Variants in PPP1R42 observed in about 807,000 individuals in gnomAD.
PPP1R42 encodes the protein leucine rich repeat containing 67.
Under a neutral mutation model 31.0 loss-of-function variants are expected in PPP1R42, and 34 were observed. The observed-to-expected ratio is 1.10, with a 90% CI of 0.83 to 1.46. PPP1R42 has a LOEUF of 1.46. Ranked by LOEUF, PPP1R42 falls within the 40% of genes most tolerant of loss-of-function variation. The pLI, the probability that PPP1R42 is intolerant of heterozygous loss-of-function variation, is 0.00. For missense variants in PPP1R42, 268 were observed against 303.0 expected (o/e 0.88, Z 0.86); for synonymous variants, 103 against 109.8 (o/e 0.94, Z 0.39).
chr8:67,007,860 G>C (rs1815731824), intron 5 of PPP1R42, among the ~76,000 whole-genome samples: 2 of 149,306 alleles, frequency 1.3e-5, no homozygotes, highest in East Asian at 4.0e-4. Flanking sequence ...TGCAAGAGTA[G>C]TGATGCTGAC....
chr8:67,024,165 A>G (rs1816314053), intron 1 of PPP1R42, among the ~76,000 whole-genome samples: 1 of 152,128 alleles, frequency 6.6e-6, no homozygotes, highest in Non-Finnish European at 1.5e-5. Context: ...CAAAAAAAAG[A>G]TAGCCATACT....
intron 5 of PPP1R42, among the ~76,000 whole-genome samples, chr8:66,997,109 T>A (rs1174783335): frequency 6.6e-6 from 1 of 152,156 alleles, no homozygotes; most frequent in Non-Finnish European, 1.5e-5. Flanking sequence ...GCTGAGATTG[T>A]GCCACTTCAC....
chr8:67,010,785 A>T lies in PPP1R42; in HGVS notation c.482T>A (p.Ile161Asn), dbSNP rs779620494. ...ATTCTCTAGTAGTTCTAAGTCTGTA[A>T]TGTCATCAATATTATTATTGCTGAT... ...LNISNNNIDD[I>N]TDLELLENLN... Residue 161 changes from isoleucine (I) to asparagine (N), a missense_variant, in exon 5 of 8, where the codon ATT (isoleucine) becomes AAT (asparagine). Coordinates refer to ENST00000685739, the MANE Select transcript of PPP1R42 (RefSeq NM_001364910.1). 4.4e-6 allele frequency: 7 copies of T among 1,605,910 alleles called. No homozygotes were observed. Among genetic ancestry groups the T allele is most frequent in the Non-Finnish European group, 5.9e-6 (7 of 1,177,054 alleles).
At position 66,982,094 on chromosome 8, in the gene PPP1R42, TG is replaced by T; in HGVS notation, c.756del (p.Ser252ArgfsTer16). 6.7e-7 allele frequency: 1 copy of T among 1,498,286 alleles called. No homozygotes were observed. Among genetic ancestry groups the T allele is most frequent in the Non-Finnish European group, 8.8e-7 (1 of 1,134,556 alleles). The allele number at this position is 1,498,286 out of a possible 1,614,324, so 92.8% of individuals were successfully genotyped here. On this transcript the variant is annotated frameshift_variant, in exon 7 of 8. Transcript: ENST00000685739. LOFTEE classifies it high-confidence loss of function. ...TCCTCATTTTTACTGCTCCTTTTTT[TG>T]CTGATTTTCTTGGCATCTTTGGATG... Reference protein sequence around the residue: ...WKASKDAKKISKKRSSKNEDA... With the variant: ...WKASKDAKKIXKKRSSKNEDA...
intron 5 of PPP1R42, among the ~76,000 whole-genome samples, chr8:66,999,244 G>A (rs1166086992): frequency 6.6e-6 from 1 of 151,342 alleles, no homozygotes; most frequent in African/African-American, 2.4e-5. Flanking sequence ...TCTTTGAGAT[G>A]GAGTCTCACT....
chr8:67,001,447 A>G lies in PPP1R42; in HGVS notation c.552+9268T>C, dbSNP rs574313825. On this transcript the variant is annotated intron_variant, in intron 5 of 7. Coordinates refer to ENST00000685739, the MANE Select transcript of PPP1R42 (RefSeq NM_001364910.1). ...TATAATTATTAATATTAATATTAAT[A>G]TATAATTATTGATATTGGCTGAGTT... Among the ~76,000 whole-genome samples the G allele has an allele frequency of 2.9e-3, 434 of 149,394 alleles. 2 individuals are homozygous for G. The highest frequency in any genetic ancestry group is 4.6e-3 in the Non-Finnish European group (310 of 67,472).
chr8:66,983,628 C>T (rs1013064090), intron 6 of PPP1R42, among the ~76,000 whole-genome samples: 2 of 152,096 alleles, frequency 1.3e-5, no homozygotes, highest in African/African-American at 4.8e-5. Flanking sequence ...ATCACACATC[C>T]TTTCAGGGAT....
chr8:67,018,040 T>C (rs1398953198), intron 1 of PPP1R42, among the ~76,000 whole-genome samples: 1 of 151,312 alleles, frequency 6.6e-6, no homozygotes, highest in Non-Finnish European at 1.5e-5. Flanking sequence ...ACAATACTCA[T>C]TACTCATTCA....
intron 1 of PPP1R42, among the ~76,000 whole-genome samples, chr8:67,027,638 T>C (rs1164740806): frequency 2.0e-5 from 3 of 152,244 alleles, no homozygotes; most frequent in Non-Finnish European, 4.4e-5. Flanking sequence ...GTAGTTTTTA[T>C]TGTTTTAGAA....
intron 7 of PPP1R42, among the ~76,000 whole-genome samples, chr8:66,977,369 G>T (rs1199378668): frequency 6.8e-6 from 1 of 146,026 alleles, no homozygotes; most frequent in East Asian, 2.0e-4. Flanking sequence ...ACAGGGTCTT[G>T]CTCTGTTGTC....
rs1310035557 is a variant in PPP1R42, at chr8:67,025,335, C to T, written c.-85+3156G>A. ...TTATGTTGCCTAGGCTGGTCTCAAACTCCTGGGCTCAAGTGATCCTCCTGC... is the reference window on the plus strand; with the variant it reads ...TTATGTTGCCTAGGCTGGTCTCAAATTCCTGGGCTCAAGTGATCCTCCTGC... On this transcript the variant is annotated intron_variant, in intron 1 of 7. Transcript: ENST00000685739. Among the ~76,000 whole-genome samples, 4 of 149,722 alleles carry T rather than the reference C, an allele frequency of 2.7e-5. No homozygotes were observed. In the East Asian group the frequency reaches 8.0e-4, roughly 30 times the overall value.
intron 7 of PPP1R42, among the ~76,000 whole-genome samples, chr8:66,976,554 C>A (rs1814679334): frequency 6.6e-6 from 1 of 151,568 alleles, no homozygotes; most frequent in African/African-American, 2.4e-5. Flanking sequence ...TCCCTCTGGC[C>A]TTCCCAGTCT....
At chr8:67,004,381 A>G (rs903352217) in intron 5 of PPP1R42, among the ~76,000 whole-genome samples, 1 of 152,220 alleles carries the variant, frequency 6.6e-6, no homozygotes, top group African/African-American at 2.4e-5. Flanking sequence ...TATAGCAGCA[A>G]AAATGGACTA....
intron 5 of PPP1R42, among the ~76,000 whole-genome samples, chr8:67,006,350 C>T (rs1364690630): frequency 6.6e-6 from 1 of 152,170 alleles, no homozygotes; most frequent in East Asian, 1.9e-4. Flanking sequence ...AGGTCTCACT[C>T]TGTTATCCAG....
At chr8:66,968,410 C>G in intron 7 of PPP1R42, 1 of 945,412 alleles carries the variant, frequency 1.1e-6, no homozygotes, top group East Asian at 1.2e-4. Flanking sequence ...ATACCTTTAG[C>G]TTTTTGGAAG....
chr8:67,018,546 C>T (rs1816090270), intron 1 of PPP1R42, among the ~76,000 whole-genome samples: 1 of 151,182 alleles, frequency 6.6e-6, no homozygotes, highest in Middle Eastern at 3.2e-3. Flanking sequence ...ACGACTCTCG[C>T]TCTGTCGCCA....
chr8:66,986,716 T>C (rs16933135), intron 6 of PPP1R42, among the ~76,000 whole-genome samples: 141 of 152,352 alleles, frequency 9.3e-4, no homozygotes, highest in African/African-American at 3.1e-3. Context: ...GTTTTCCTTA[T>C]ATGGAGAATA....
chr8:66,971,019 A>G (rs1399525148), intron 7 of PPP1R42: 1 of 1,528,078 alleles, frequency 6.5e-7, no homozygotes, highest in South Asian at 1.2e-5. Context: ...CTTCTCAGGA[A>G]CTTTCTGGAG....
chr8:66,985,736 G>C, intron 6 of PPP1R42: 1 of 1,278,572 alleles, frequency 7.8e-7, no homozygotes. Flanking sequence ...GGTGTAGGGG[G>C]GCTAATGAAG....
Sources: gnomAD v4.1 joint callset for allele counts (sites outside exome capture counted in the v4.1 genomes callset) on GRCh38, gnomAD v4.1.1 for gene constraint, MANE v1.5 for transcripts, NCBI Gene and HGNC (gene_info 2026-07-23, HGNC 2026-07-21) for gene names.